HTT: variants seen among roughly 807,000 people sequenced by gnomAD.
HTT encodes the protein huntingtin.
A neutral mutation model predicts 362.3 loss-of-function variants in HTT; 104 were observed. The observed-to-expected ratio is 0.29, with a 90% CI of 0.24 to 0.34. HTT has a LOEUF of 0.34. HTT is among the 10% of genes least tolerant of loss of function. HTT has a pLI of 1.00. For synonymous variants in HTT, 1,577 were observed against 1,548.7 expected, an observed-to-expected ratio of 1.02 and a Z score of -0.43; for missense variants, 3,301 against 3,928.6, an observed-to-expected ratio of 0.84 and a Z score of 4.27.
intron 55 of HTT, 113 bp from the exon 56 acceptor site, chr4:3,223,879 A>C: frequency 9.2e-7 from 1 of 1,092,758 alleles, no homozygotes; most frequent in Admixed American, 1.9e-5. Context: ...AGTGAGTTTC[A>C]TTTGGTATTA....
chr4:3,091,066 C>T (rs553774278), intron 2 of HTT, among the ~76,000 whole-genome samples: 6 of 152,256 alleles, frequency 3.9e-5, no homozygotes, highest in South Asian at 2.1e-4. Context: ...GAGCCTAGAT[C>T]GCACCACTGC....
At chr4:3,207,159 T>A in intron 44 of HTT, 122 bp from the exon 45 acceptor site, 1 of 1,068,802 alleles carries the variant, frequency 9.4e-7, no homozygotes, top group Non-Finnish European at 1.4e-6. Context: ...TTTCTTGTAT[T>A]TTTTTCTAGT....
chr4:3,210,936 G>T (rs1431620303), intron 47 of HTT, among the ~76,000 whole-genome samples: 7 of 99,108 alleles, frequency 7.1e-5, no homozygotes, highest in Admixed American at 5.3e-4. Context: ...AAGTCTCGCT[G>T]TTGTCCCCCA....
chr4:3,225,364 C>G (rs544171323), intron 56 of HTT, among the ~76,000 whole-genome samples: 1 of 152,312 alleles, frequency 6.6e-6, no homozygotes, highest in African/African-American at 2.4e-5. Context: ...ACAACCAGTT[C>G]CTATTCACAG....
intron 27 of HTT, 146 bp downstream of exon 27, chr4:3,154,565 A>T: frequency 8.6e-7 from 1 of 1,156,866 alleles, no homozygotes; most frequent in African/African-American, 1.6e-5. Context: ...GCGGTTCAAG[A>T]TATTAGAAAC....
At chr4:3,147,257 A>G (rs1228841312) in intron 25 of HTT, among the ~76,000 whole-genome samples, 3 of 152,206 alleles carry the variant, frequency 2.0e-5, no homozygotes, top group African/African-American at 4.8e-5. Flanking sequence ...GGATGTTAAG[A>G]AAGTATAATG....
rs1275712459 is a variant in HTT, at chr4:3,214,054, C to G, written c.6871C>G (p.Leu2291Val). Residue 2291 changes from leucine to valine, a missense_variant, in exon 50 of 67, where the codon CTC becomes GTC. This residue lies in a region of HTT where 220 missense variants were observed against 218.5 expected (regional missense o/e 1.01). Transcript: ENST00000355072. ...CTGCCTGGCCCTGCAGCTGCCTGGCCTCTGGAGCGTGGTCTCCTCCACAGA... is the reference window on the plus strand; with the variant it reads ...CTGCCTGGCCCTGCAGCTGCCTGGCGTCTGGAGCGTGGTCTCCTCCACAGA... ...CCCLALQLPGLWSVVSSTEFV... is the reference protein window; with the variant it reads ...CCCLALQLPGVWSVVSSTEFV... 104 of 1,609,928 alleles carry G rather than the reference C, an allele frequency of 6.5e-5. No individual in the cohort carries two copies. Among genetic ancestry groups the G allele is most frequent in the Non-Finnish European group, 8.7e-5 (103 of 1,178,020 alleles).
intron 27 of HTT, among the ~76,000 whole-genome samples, chr4:3,155,156 G>T (rs1254453971): frequency 2.0e-5 from 3 of 152,026 alleles, no homozygotes; most frequent in Non-Finnish European, 2.9e-5. Flanking sequence ...AGGGGCCAGT[G>T]ATGGTTCTCC....
chr4:3,194,514 C>A (rs1433253587), intron 40 of HTT, among the ~76,000 whole-genome samples: 1 of 152,218 alleles, frequency 6.6e-6, no homozygotes, highest in Non-Finnish European at 1.5e-5. Context: ...GCTGTCTGGC[C>A]TTGTAGCCTC....
chr4:3,182,766 C>G (rs970777435), intron 37 of HTT, among the ~76,000 whole-genome samples: 1 of 152,178 alleles, frequency 6.6e-6, no homozygotes, highest in African/African-American at 2.4e-5. Context: ...AACTCTAAAG[C>G]CCGAACCCTT....
chr4:3,186,845 T>G, intron 38 of HTT, 126 bp downstream of exon 38: 2 of 806,860 alleles, frequency 2.5e-6, no homozygotes, highest in South Asian at 2.0e-5. Flanking sequence ...TTGCTTTTTT[T>G]TTTTTTTTTT....
chr4:3,094,816 G>A (rs1025807463), intron 2 of HTT, among the ~76,000 whole-genome samples: 5 of 151,192 alleles, frequency 3.3e-5, no homozygotes, highest in East Asian at 2.0e-4. Context: ...CAGACGGGGC[G>A]GCTGGTCAGA....
chr4:3,168,926 G>A (rs926535535), intron 29 of HTT, among the ~76,000 whole-genome samples: 6 of 151,784 alleles, frequency 4.0e-5, no homozygotes, highest in South Asian at 2.1e-4. Context: ...TTTATATCTT[G>A]TGTTTCTTGT....
At chr4:3,144,985 T>A (rs920795695) in intron 23 of HTT, among the ~76,000 whole-genome samples, 167 bp from the exon 24 acceptor site, 5 of 152,220 alleles carry the variant, frequency 3.3e-5, no homozygotes, top group Non-Finnish European at 7.3e-5. Flanking sequence ...GTTTGAGGTG[T>A]CTAAAGTAGG....
At position 3,134,339 on chromosome 4, in the gene HTT, C is replaced by G. The variant is rs536961438; in HGVS notation, c.2494-62C>G. ...TGAAGAGTGACGGTTCTCAAACCGT[C>G]AAGACGCGGGTACTGAGTGGGACTA... On this transcript the variant is annotated intron_variant, in intron 18 of 66. Coordinates refer to ENST00000355072, the MANE Select transcript of HTT (RefSeq NM_001388492.1). 2.0e-5 allele frequency: 30 copies of G among 1,493,090 alleles called. No homozygotes were observed. The African/African-American group carries it at 3.9e-4, about 19-fold the overall frequency. The allele number at this position is 1,493,090 out of a possible 1,614,324, so 92.5% of individuals were successfully genotyped here.
chr4:3,157,860 G>C (rs1717226897), intron 28 of HTT, among the ~76,000 whole-genome samples: 1 of 151,906 alleles, frequency 6.6e-6, no homozygotes, highest in Non-Finnish European at 1.5e-5. Flanking sequence ...CCCCAATAAT[G>C]TTTACAGAAG....
rs1446338756 is a variant in HTT at position 3,132,871 on chromosome 4, A to T, written c.2453A>T (p.Glu818Val). The T allele has an allele frequency of 6.2e-7, 1 of 1,614,018 alleles. No homozygotes were observed. The highest frequency in any genetic ancestry group is 8.5e-7 in the Non-Finnish European group (1 of 1,179,970). ...IPLLRKTLKD[E>V]SSVTCKLACT... is the part of the protein sequence containing the mutation. ...TTGCTGCGGAAAACACTGAAGGATG[A>T]GTCTTCTGTTACTTGCAAGTTAGCT... The change falls in exon 18 of 67, where the codon GAG becomes GTG. Residue 818 changes from glutamate (E) to valine (V), a missense_variant. Transcript: ENST00000355072.
At chr4:3,086,433 G>A (rs1051753655) in intron 1 of HTT, among the ~76,000 whole-genome samples, 1 of 152,166 alleles carries the variant, frequency 6.6e-6, no homozygotes, top group Non-Finnish European at 1.5e-5. Flanking sequence ...TGCTTTGGGA[G>A]GCCAAGATGG....
chr4:3,150,618 A>G (rs987646376), intron 26 of HTT, among the ~76,000 whole-genome samples: 3 of 151,950 alleles, frequency 2.0e-5, no homozygotes, highest in African/African-American at 4.8e-5. Context: ...CTTCATTTCC[A>G]CTCACCAAGT....
Sources: gnomAD v4.1 joint callset for allele counts (sites outside exome capture counted in the v4.1 genomes callset) on GRCh38, gnomAD v4.1.1 for gene constraint, gnomAD v4.1.1 regional missense constraint, MANE v1.5 for transcripts, NCBI Gene and HGNC (gene_info 2026-07-23, HGNC 2026-07-21) for gene names.